THADA: variants seen among roughly 807,000 people sequenced by gnomAD.
The protein encoded by THADA is tRNA (32-2'-O)-methyltransferase regulator THADA.
Under a neutral mutation model 219.8 loss-of-function variants are expected in THADA, and 213 were observed. The observed-to-expected ratio is 0.97, with a 90% CI of 0.87 to 1.09. The LOEUF is 1.09. Among genes scored for constraint, THADA ranks in the 50% least tolerant of loss-of-function variants. THADA has a pLI of 0.00. For synonymous variants in THADA, 1,018 were observed against 828.9 expected (o/e 1.23, Z -3.92); for missense variants, 2,956 against 2,311.3 (o/e 1.28, Z -5.72).
At chr2:43,296,695 G>A (rs1291857071) in intron 31 of THADA, among the ~76,000 whole-genome samples, 1 of 152,178 alleles carries the variant, frequency 6.6e-6, no homozygotes, top group Non-Finnish European at 1.5e-5. Context: ...AATAATAAGA[G>A]CACAGTACTA....
At chr2:43,257,349 C>T (rs546279094) in intron 36 of THADA, among the ~76,000 whole-genome samples, 5 of 152,328 alleles carry the variant, frequency 3.3e-5, no homozygotes, top group South Asian at 4.1e-4. Context: ...CCAAACCCTG[C>T]GCCTCCCTAT....
At chr2:43,291,656 A>G in intron 34 of THADA, 40 bp downstream of exon 34, 5 of 1,489,114 alleles carry the variant, frequency 3.4e-6, no homozygotes, top group Non-Finnish European at 3.6e-6. Flanking sequence ...ATGAGAACAA[A>G]AAATCCTAGG....
At chr2:43,481,813 T>C (rs1686264747) in intron 26 of THADA, among the ~76,000 whole-genome samples, 1 of 152,194 alleles carries the variant, frequency 6.6e-6, no homozygotes, top group South Asian at 2.1e-4. Context: ...AGCTAGACAA[T>C]GCTATACATT....
chr2:43,399,107 G>T (rs1345610184), intron 28 of THADA, among the ~76,000 whole-genome samples: 1 of 152,180 alleles, frequency 6.6e-6, no homozygotes, highest in Admixed American at 6.5e-5. Context: ...TCACAGATAG[G>T]AGATTGATTG....
intron 7 of THADA, 102 bp downstream of exon 7, chr2:43,586,299 G>A: frequency 1.0e-6 from 1 of 954,816 alleles, no homozygotes; most frequent in South Asian, 2.0e-5. Flanking sequence ...TTAATGAAAA[G>A]GGATGAAAAG....
Position 43,571,712 on chromosome 2 carries a change from TAAG to T in THADA, c.2056_2058del (p.Leu686del). ...CTTCTGATGGGAAATTCTACCTTTTTAAGAAGAGAACAGATCTGTTGCCGCACT... is the reference window on the plus strand; with the variant it reads ...CTTCTGATGGGAAATTCTACCTTTTTAAGAGAACAGATCTGTTGCCGCACT... On this transcript the variant is annotated inframe_deletion, in exon 13 of 38. Coordinates refer to ENST00000405975, the MANE Select transcript of THADA (RefSeq NM_022065.5). 6.2e-7 allele frequency: 1 copy of T among 1,606,946 alleles called. No individual in the cohort carries two copies. Among genetic ancestry groups the T allele is most frequent in the Non-Finnish European group, 8.5e-7 (1 of 1,176,718 alleles).
chr2:43,527,826 T>A, intron 22 of THADA, 53 bp downstream of exon 22: 2 of 1,275,116 alleles, frequency 1.6e-6, no homozygotes, highest in Admixed American at 3.8e-5. Flanking sequence ...TCCAAGCATA[T>A]GCTTTGTATA....
chr2:43,319,000 A>G (rs1245296296), intron 31 of THADA, among the ~76,000 whole-genome samples: 1 of 152,256 alleles, frequency 6.6e-6, no homozygotes, highest in Non-Finnish European at 1.5e-5. Flanking sequence ...AACTGCCAGA[A>G]TCCCAGTGAG....
At chr2:43,247,894 T>A (rs1479200380) in intron 36 of THADA, among the ~76,000 whole-genome samples, 4 of 150,828 alleles carry the variant, frequency 2.7e-5, no homozygotes, top group Admixed American at 6.6e-5. Flanking sequence ...AATTTAAAAA[T>A]TAGCTGAATG....
At chr2:43,542,920 GGTTA>G (rs1221431699) in intron 20 of THADA, among the ~76,000 whole-genome samples, 1 of 151,750 alleles carries the variant, frequency 6.6e-6, no homozygotes, top group Admixed American at 6.6e-5. Flanking sequence ...ACAATGTGCA[GGTTA>G]GTTACATATG....
chr2:43,302,099 C>T (rs2104409047), intron 31 of THADA, among the ~76,000 whole-genome samples: 1 of 152,076 alleles, frequency 6.6e-6, no homozygotes, highest in South Asian at 2.1e-4. Context: ...AACTCCTAGG[C>T]TCAAGTGATC....
At chr2:43,380,770 C>G (rs1289922546) in intron 29 of THADA, among the ~76,000 whole-genome samples, 2 of 152,104 alleles carry the variant, frequency 1.3e-5, no homozygotes, top group African/African-American at 4.8e-5. Flanking sequence ...GAAAAGGGAA[C>G]ATACAAGGTG....
At chr2:43,500,316 T>C (rs1028742402) in intron 24 of THADA, among the ~76,000 whole-genome samples, 1 of 152,208 alleles carries the variant, frequency 6.6e-6, no homozygotes, top group Non-Finnish European at 1.5e-5. Context: ...AAATGTTCTA[T>C]TTCTTGATGG....
At chr2:43,489,312 C>T (rs1687316028) in intron 25 of THADA, among the ~76,000 whole-genome samples, 1 of 152,154 alleles carries the variant, frequency 6.6e-6, no homozygotes, top group Admixed American at 6.6e-5. Context: ...TTCCGAGTAG[C>T]TGGGACTACA....
chr2:43,463,534 G>A (rs1683878690), intron 26 of THADA, among the ~76,000 whole-genome samples: 2 of 152,176 alleles, frequency 1.3e-5, no homozygotes. Context: ...AAGATAGAAT[G>A]GCTTGCTCTC....
At position 43,366,457 on chromosome 2, in the gene THADA, C is replaced by G. The variant is rs1208058140; in HGVS notation, c.4228-22220G>C. On this transcript the variant is annotated intron_variant, in intron 29 of 37. Transcript: ENST00000405975. ...CACCTTGATCTCCAATCTCCAATTTCTCAGATCTTAAAAACAATTCAGTGA... is the reference window on the plus strand; with the variant it reads ...CACCTTGATCTCCAATCTCCAATTTGTCAGATCTTAAAAACAATTCAGTGA... 2.0e-5 allele frequency among the ~76,000 whole-genome samples: 3 copies of G among 152,242 alleles called. No individual in the cohort carries two copies. In the East Asian group the frequency reaches 5.8e-4, roughly 29 times the overall value.
intron 28 of THADA, among the ~76,000 whole-genome samples, chr2:43,402,531 A>T (rs1226484702): frequency 6.6e-6 from 1 of 152,164 alleles, no homozygotes; most frequent in African/African-American, 2.4e-5. Flanking sequence ...CTCCTCTCAT[A>T]TCTACTCTCA....
At position 43,491,731 on chromosome 2, in the gene THADA, T is replaced by A. The variant is rs138953975; in HGVS notation, c.3745-6406A>T. Among the ~76,000 whole-genome samples, 21 of 152,304 alleles carry A rather than the reference T, an allele frequency of 1.4e-4. 1 individual carries two copies. In the East Asian group the frequency reaches 3.3e-3, roughly 24 times the overall value. ...TCTAGGTTTGTGCATGTATACAATA[T>A]GATGTTCACACAACAATGAAATTCC... On this transcript the variant is annotated intron_variant, in intron 25 of 37. Transcript: ENST00000405975.
chr2:43,305,686 A>C (rs1325688203), intron 31 of THADA, among the ~76,000 whole-genome samples: 2 of 152,078 alleles, frequency 1.3e-5, no homozygotes, highest in Non-Finnish European at 2.9e-5. Flanking sequence ...GAGCCAGAAG[A>C]GCTCAAAGGA....
Sources: gnomAD v4.1 joint callset for allele counts (sites outside exome capture counted in the v4.1 genomes callset) on GRCh38, gnomAD v4.1.1 for gene constraint, MANE v1.5 for transcripts, NCBI Gene and HGNC (gene_info 2026-07-23, HGNC 2026-07-21) for gene names.